C2CD2: variants seen among roughly 807,000 people sequenced by gnomAD.
C2CD2 encodes C2 domain-containing protein 2.
A neutral mutation model predicts 74.3 loss-of-function variants in C2CD2; 43 were observed. The ratio of observed to expected loss-of-function variants is 0.58; its 90% CI spans 0.45 to 0.75. The LOEUF (loss-of-function observed/expected upper bound fraction) is 0.75, where lower values mean the gene tolerates loss of function less well. Ranked by LOEUF, C2CD2 falls within the 30% of genes least tolerant of loss-of-function variation. The pLI is 0.00. For synonymous variants in C2CD2, 422 were observed against 390.7 expected (o/e 1.08, Z -0.94); for missense variants, 801 against 916.3 (o/e 0.87, Z 1.63).
intron 6 of C2CD2, among the ~76,000 whole-genome samples, chr21:41,913,265 A>G (rs2065049676): frequency 6.6e-6 from 1 of 152,266 alleles, no homozygotes; most frequent in Non-Finnish European, 1.5e-5. Context: ...ACTAGTGAAC[A>G]GCTGTTTCTG....
Position 41,924,233 on chromosome 21 carries a change from C to T in C2CD2, c.379-2148G>A, listed in dbSNP as rs1032607707. ...ACTTTCTCATCTGCTGGCTCCTGGC[C>T]GCAGCCAAGCCCTGGGTCCAGCTCT... On this transcript the variant is annotated intron_variant, in intron 2 of 13. Transcript: ENST00000380486. The surrounding 1 kb of genome is among the most constrained non-coding windows in gnomAD (Gnocchi z 4.4). 5.3e-5 allele frequency among the ~76,000 whole-genome samples: 8 copies of T among 152,176 alleles called. No homozygotes were observed. The highest frequency in any genetic ancestry group is 2.1e-4 in the South Asian group (1 of 4,824).
chr21:41,916,047 C>T (rs1015236550), intron 5 of C2CD2, among the ~76,000 whole-genome samples: 1 of 152,120 alleles, frequency 6.6e-6, no homozygotes, highest in Non-Finnish European at 1.5e-5. Context: ...TTCTTTCCCA[C>T]CTAGAAAACA....
chr21:41,900,661 C>T (rs1456545990), intron 12 of C2CD2, among the ~76,000 whole-genome samples: 3 of 152,230 alleles, frequency 2.0e-5, no homozygotes, highest in African/African-American at 7.2e-5. Context: ...TCTGGCCTGT[C>T]TCCCAGCCAC....
In C2CD2 at chr21:41,918,928, G is replaced by T; in HGVS notation, c.525C>A (p.Asp175Glu). The T allele has an allele frequency of 6.2e-7, 1 of 1,614,126 alleles. No homozygotes were observed. The highest frequency in any genetic ancestry group is 8.5e-7 in the Non-Finnish European group (1 of 1,179,940). ...LEFHMKEKRE[D>E]LQISWSFISV... ...TGATGAAAGACCAGCTAATCTGGAG[G>T]TCCTCTCTCTTCTCCTTCATGTGGA... is the stretch of plus-strand genomic sequence containing the variant. Residue 175 changes from aspartate (D) to glutamate (E), a missense_variant, in exon 4 of 14, where the codon GAC becomes GAA. Coordinates refer to ENST00000380486, the MANE Select transcript of C2CD2 (RefSeq NM_015500.2).
At chr21:41,925,776 G>T (rs547515985) in intron 2 of C2CD2, among the ~76,000 whole-genome samples, 10 of 152,180 alleles carry the variant, frequency 6.6e-5, no homozygotes, top group Non-Finnish European at 1.0e-4. Context: ...AGTCAGGATC[G>T]CCTGACACAG....
intron 6 of C2CD2, 64 bp downstream of exon 6, chr21:41,914,534 C>G: frequency 6.7e-7 from 1 of 1,494,352 alleles, no homozygotes; most frequent in South Asian, 1.3e-5. Context: ...CCCCCCGGAG[C>G]CCCCGACTCT....
In C2CD2 at chr21:41,939,319, G is replaced by A. The variant is rs1569080971; in HGVS notation, c.378+2828C>T. ...AAGGCCACTTTTCTGGCAATATGAA[G>A]TTTTTTTAAAGATGGAGTCTTGCTA... On this transcript the variant is annotated intron_variant, in intron 2 of 13. Transcript: ENST00000380486. This position sits in a 1 kb window ranked among gnomAD's most constrained non-coding sequence, Gnocchi z 5.5. 6.6e-6 allele frequency among the ~76,000 whole-genome samples: 1 copy of A among 152,126 alleles called. No individual in the cohort carries two copies. The highest frequency in any genetic ancestry group is 1.9e-4 in the East Asian group (1 of 5,206).
At chr21:41,944,129 A>T (rs1191721283) in intron 1 of C2CD2, among the ~76,000 whole-genome samples, 1 of 152,216 alleles carries the variant, frequency 6.6e-6, no homozygotes, top group African/African-American at 2.4e-5. Flanking sequence ...CTGTTGCCTT[A>T]TACCAGCCTG....
At chr21:41,951,899 G>A (rs1188742447) in intron 1 of C2CD2, among the ~76,000 whole-genome samples, 1 of 152,140 alleles carries the variant, frequency 6.6e-6, no homozygotes, top group Non-Finnish European at 1.5e-5. Context: ...GAACTTAAAG[G>A]TCATTCACCC....
intron 2 of C2CD2, among the ~76,000 whole-genome samples, chr21:41,933,110 T>G (rs768970988): frequency 6.7e-6 from 1 of 149,724 alleles, no homozygotes; most frequent in Non-Finnish European, 1.5e-5. Context: ...GCCAACCACA[T>G]GTCCCTTGTC....
At chr21:41,907,451 T>C (rs1427786095) in intron 9 of C2CD2, among the ~76,000 whole-genome samples, 5 of 152,212 alleles carry the variant, frequency 3.3e-5, no homozygotes, top group Non-Finnish European at 7.3e-5. Context: ...CCTGAACAGT[T>C]ATCTCCTCCA....
At chr21:41,893,585 GA>G (rs34447322) in intron 13 of C2CD2, among the ~76,000 whole-genome samples, 36,231 of 151,796 alleles carry the variant, frequency 0.24, 4,431 homozygotes, top group Non-Finnish European at 0.26. Flanking sequence ...CTGCCCCAGG[GA>G]GCTCTGTGCC....
At chr21:41,905,410 C>G (rs2064948986) in intron 11 of C2CD2, among the ~76,000 whole-genome samples, 1 of 150,128 alleles carries the variant, frequency 6.7e-6, no homozygotes, top group Non-Finnish European at 1.5e-5. Flanking sequence ...CTCTGCCTCC[C>G]AGGTTCAAGC....
intron 6 of C2CD2, among the ~76,000 whole-genome samples, chr21:41,913,930 A>G (rs868792566): frequency 6.6e-6 from 1 of 152,122 alleles, no homozygotes; most frequent in South Asian, 2.1e-4. Flanking sequence ...GATGCCCATC[A>G]ACTCCCTACA....
chr21:41,943,627 G>A (rs112519180), intron 1 of C2CD2, among the ~76,000 whole-genome samples: 5,223 of 152,292 alleles, frequency 0.034, 127 homozygotes, highest in Non-Finnish European at 0.049. Context: ...AGGCGTGACC[G>A]AGGGTGGGAG....
intron 13 of C2CD2, among the ~76,000 whole-genome samples, chr21:41,889,797 T>G (rs2064728818): frequency 6.6e-6 from 1 of 152,020 alleles, no homozygotes; most frequent in South Asian, 2.1e-4. Context: ...CATGCCTAGC[T>G]AATTTTTTTG....
chr21:41,948,870 CTTTTTT>C lies in C2CD2; in HGVS notation c.279+4494_279+4499del, dbSNP rs967927171. Among the ~76,000 whole-genome samples, 13 of 80,686 alleles carry C rather than the reference CTTTTTT, an allele frequency of 1.6e-4. 1 individual carries two copies. The highest frequency in any genetic ancestry group is 6.1e-4 in the Admixed American group (3 of 4,952). 52.9% of individuals were successfully genotyped at this position (80,686 alleles called of 152,430 possible). On this transcript the variant is annotated intron_variant, in intron 1 of 13. Transcript: ENST00000380486. ...AATATGTTCCAAGTCCACACAGCAT[CTTTTTT>C]TTTTTTTTTTTTTTTTCTTTTTTTT... is the stretch of plus-strand genomic sequence containing the variant.
intron 11 of C2CD2, among the ~76,000 whole-genome samples, chr21:41,904,053 G>T (rs1186927001): frequency 6.6e-6 from 1 of 152,120 alleles, no homozygotes; most frequent in Non-Finnish European, 1.5e-5. Flanking sequence ...CACAGGGTGA[G>T]CTAGGAGGTC....
rs1279714320 is a variant in C2CD2, at chr21:41,901,736, C to T, written c.1446G>A (p.Leu482=). The change falls in exon 12 of 14, where the codon TTG becomes TTA. Residue 482 remains leucine (L), a synonymous_variant. Coordinates refer to ENST00000380486, the MANE Select transcript of C2CD2 (RefSeq NM_015500.2). ...LSSSDTELLV[L]NGSDPVAEVA... is the part of the protein sequence containing the mutation. ...CTTCAGCCACTGGATCCGAACCATT[C>T]AACACCAACAATTCTACCAGAAGGA... The T allele has an allele frequency of 6.2e-7, 1 of 1,613,856 alleles. No homozygotes were observed. The highest frequency in any genetic ancestry group is 8.5e-7 in the Non-Finnish European group (1 of 1,179,852).
Sources: gnomAD v4.1 joint callset for allele counts (sites outside exome capture counted in the v4.1 genomes callset) on GRCh38, gnomAD v4.1.1 for gene constraint, Gnocchi (gnomAD v3.1) non-coding constraint, MANE v1.5 for transcripts, NCBI Gene and HGNC (gene_info 2026-07-23, HGNC 2026-07-21) for gene names.